The following HS6ST3 variants were observed in gnomAD, a reference collection of about 807,000 sequenced individuals.
HS6ST3 encodes heparan-sulfate 6-O-sulfotransferase 3.
Under a neutral mutation model 36.7 loss-of-function variants are expected in HS6ST3, and 12 were observed. The ratio of observed to expected loss-of-function variants is 0.33; its 90% CI spans 0.21 to 0.53. The LOEUF (loss-of-function observed/expected upper bound fraction) is 0.53, where lower values mean the gene tolerates loss of function less well. Among genes scored for constraint, HS6ST3 ranks in the 20% least tolerant of loss-of-function variants. The probability of loss-of-function intolerance (pLI) is 0.95; values close to 1 mark genes in which losing one functional copy is unlikely to be tolerated. For synonymous variants in HS6ST3, 240 were observed against 257.5 expected (o/e 0.93, Z 0.65); for missense variants, 584 against 640.9 (o/e 0.91, Z 0.96).
At chr13:96,595,033 G>GATGTTT (rs2056396461) in intron 1 of HS6ST3, among the ~76,000 whole-genome samples, 1 of 151,972 alleles carries the variant, frequency 6.6e-6, no homozygotes, top group Non-Finnish European at 1.5e-5. Flanking sequence ...TTAGAACTTT[G>GATGTTT]TTGTTTTTGT....
intron 1 of HS6ST3, among the ~76,000 whole-genome samples, chr13:96,186,483 T>A (rs1334536631): frequency 6.6e-6 from 1 of 152,200 alleles, no homozygotes; most frequent in Non-Finnish European, 1.5e-5. Flanking sequence ...GCACTCAGTG[T>A]TTGTTCTGTG....
chr13:96,813,325 G>T (rs549142714), intron 1 of HS6ST3, among the ~76,000 whole-genome samples: 1 of 152,092 alleles, frequency 6.6e-6, no homozygotes. Context: ...GAATGGAAGG[G>T]TATCAAAGGG....
At chr13:96,305,886 A>T in intron 1 of HS6ST3, among the ~76,000 whole-genome samples, 1 of 123,642 alleles carries the variant, frequency 8.1e-6, no homozygotes, top group African/African-American at 3.0e-5. Flanking sequence ...TTCATGGTTC[A>T]TTTCTATTAA....
At chr13:96,210,206 G>A (rs2054392128) in intron 1 of HS6ST3, among the ~76,000 whole-genome samples, 1 of 152,162 alleles carries the variant, frequency 6.6e-6, no homozygotes, top group South Asian at 2.1e-4. Context: ...GAAGTATTTT[G>A]TACCAGGAAT....
intron 1 of HS6ST3, among the ~76,000 whole-genome samples, chr13:96,209,253 C>T (rs904624436): frequency 8.5e-5 from 13 of 152,098 alleles, no homozygotes; most frequent in Non-Finnish European, 1.9e-4. Context: ...TGTGGGTTAG[C>T]GGTAGCGGGG....
At chr13:96,196,578 G>A (rs752294101) in intron 1 of HS6ST3, among the ~76,000 whole-genome samples, 39 of 152,188 alleles carry the variant, frequency 2.6e-4, no homozygotes, top group Middle Eastern at 3.2e-3. Flanking sequence ...ATGCTTTGCT[G>A]TGCTTTGAGG....
At chr13:96,595,947 T>A (rs1314328922) in intron 1 of HS6ST3, among the ~76,000 whole-genome samples, 1 of 151,804 alleles carries the variant, frequency 6.6e-6, no homozygotes, top group Non-Finnish European at 1.5e-5. Flanking sequence ...ATTAAAACAA[T>A]TTTTTTTGTT....
At chr13:96,801,751 A>G (rs891982513) in intron 1 of HS6ST3, among the ~76,000 whole-genome samples, 1 of 152,072 alleles carries the variant, frequency 6.6e-6, no homozygotes, top group Non-Finnish European at 1.5e-5. Context: ...GTGCAATCTT[A>G]TATTTCACAT....
At chr13:96,479,805 G>A (rs995730870) in intron 1 of HS6ST3, among the ~76,000 whole-genome samples, 2 of 152,074 alleles carry the variant, frequency 1.3e-5, no homozygotes, top group Admixed American at 6.5e-5. Context: ...TTGGGCACTC[G>A]TCCTACATGC....
chr13:96,369,568 A>C (rs561697370), intron 1 of HS6ST3, among the ~76,000 whole-genome samples: 4 of 152,298 alleles, frequency 2.6e-5, no homozygotes. Context: ...AAACGTGCAG[A>C]ACTTCTAGCA....
Position 96,580,193 on chromosome 13 carries a change from C to CAT in HS6ST3, c.708-252264_708-252263dup, listed in dbSNP as rs3051282. ...AGCATCTTCCAGGACCCCATCCAGA[C>CAT]ATATATATATATATATATATATATA... On this transcript the variant is annotated intron_variant, in intron 1 of 1. Coordinates refer to ENST00000376705, the MANE Select transcript of HS6ST3 (RefSeq NM_153456.4). Among the ~76,000 whole-genome samples, 1,234 of 140,414 alleles carry CAT rather than the reference C, an allele frequency of 8.8e-3. 6 individuals are homozygous for CAT. Among genetic ancestry groups the CAT allele is most frequent in the East Asian group, 0.024 (111 of 4,624 alleles). 92.1% of individuals were successfully genotyped at this position (140,414 alleles called of 152,430 possible).
intron 1 of HS6ST3, among the ~76,000 whole-genome samples, chr13:96,640,384 A>C (rs1370086480): frequency 1.3e-5 from 2 of 151,828 alleles, no homozygotes; most frequent in Non-Finnish European, 2.9e-5. Flanking sequence ...GTGTTTGCTC[A>C]TGTCTTTTGT....
intron 1 of HS6ST3, among the ~76,000 whole-genome samples, chr13:96,273,859 C>G (rs2054733292): frequency 1.3e-5 from 2 of 151,780 alleles, no homozygotes; most frequent in South Asian, 4.2e-4. Context: ...CAAACCCTGC[C>G]AGGCCCTTCC....
At chr13:96,198,649 A>T (rs2054326443) in intron 1 of HS6ST3, among the ~76,000 whole-genome samples, 1 of 152,166 alleles carries the variant, frequency 6.6e-6, no homozygotes, top group African/African-American at 2.4e-5. Context: ...ACATAACAAG[A>T]GTCACCTTTA....
chr13:96,757,787 A>G (rs373741110), intron 1 of HS6ST3, among the ~76,000 whole-genome samples: 5 of 152,286 alleles, frequency 3.3e-5, no homozygotes, highest in African/African-American at 1.2e-4. Flanking sequence ...ATTTTCAACT[A>G]TTAAACCAAT....
intron 1 of HS6ST3, among the ~76,000 whole-genome samples, chr13:96,402,642 G>A (rs1223170674): frequency 6.6e-6 from 1 of 152,170 alleles, no homozygotes; most frequent in African/African-American, 2.4e-5. Context: ...TCTCCCTGCT[G>A]TAGTAGAGCT....
chr13:96,461,324 T>A (rs1361109870), intron 1 of HS6ST3, among the ~76,000 whole-genome samples: 2 of 152,186 alleles, frequency 1.3e-5, no homozygotes, highest in African/African-American at 4.8e-5. Flanking sequence ...AAAATTATAA[T>A]GTATTATAAG....
intron 1 of HS6ST3, among the ~76,000 whole-genome samples, chr13:96,685,626 T>C (rs1796342898): frequency 6.6e-6 from 1 of 152,066 alleles, no homozygotes. Flanking sequence ...GTAATGTGTA[T>C]GCACAATGTC....
chr13:96,414,084 G>A (rs1229921181), intron 1 of HS6ST3, among the ~76,000 whole-genome samples: 1 of 152,182 alleles, frequency 6.6e-6, no homozygotes, highest in Non-Finnish European at 1.5e-5. Flanking sequence ...CCTACATGGT[G>A]AGTTTTGCTG....
Sources: allele counts gnomAD v4.1 joint callset (sites outside exome capture counted in the v4.1 genomes callset), GRCh38; gene constraint gnomAD v4.1.1; transcripts MANE v1.5; gene names NCBI Gene and HGNC (gene_info 2026-07-23, HGNC 2026-07-21).